Variants in VPS37A observed in about 807,000 individuals in gnomAD.
VPS37A encodes the protein vacuolar protein sorting-associated protein 37A.
A neutral mutation model predicts 49.8 loss-of-function variants in VPS37A; 30 were observed. The ratio of observed to expected loss-of-function variants is 0.60; its 90% CI spans 0.45 to 0.82. The LOEUF (loss-of-function observed/expected upper bound fraction) is 0.82. VPS37A is among the 40% of genes least tolerant of loss of function. The probability of loss-of-function intolerance (pLI) is 0.00; values close to 1 mark genes in which losing one functional copy is unlikely to be tolerated. For missense variants in VPS37A, 593 were observed against 464.4 expected (o/e 1.28, Z -2.55); for synonymous variants, 195 against 160.6 (o/e 1.21, Z -1.62).
intron 4 of VPS37A, among the ~76,000 whole-genome samples, chr8:17,273,022 C>CTTTTTTTTTTTTTTTTTTTTTTTT (rs1563263775): frequency 1.2e-5 from 1 of 80,148 alleles, no homozygotes; most frequent in African/African-American, 6.4e-5. Context: ...TTTTGCCCTT[C>CTTTTTTTTTTTTTTTTTTTTTTTT]CTTTTTTTTT....
chr8:17,287,797 G>A (rs757808869), intron 11 of VPS37A, among the ~76,000 whole-genome samples: 9 of 152,184 alleles, frequency 5.9e-5, no homozygotes, highest in Non-Finnish European at 8.8e-5. Flanking sequence ...ACATTCCCTG[G>A]AAGAGTAACT....
chr8:17,274,482 C>G (rs1814313245), intron 4 of VPS37A, among the ~76,000 whole-genome samples: 1 of 151,930 alleles, frequency 6.6e-6, no homozygotes, highest in Non-Finnish European at 1.5e-5. Context: ...GAATTGCATG[C>G]TTTCTAAAGC....
At chr8:17,304,963 T>TA (rs1460059576), downstream of VPS37A, among the ~76,000 whole-genome samples, 1 of 152,074 alleles carries the variant, frequency 6.6e-6, no homozygotes, top group African/African-American at 2.4e-5. Context: ...CTATAGCTAG[T>TA]AAGTGGAAAA....
downstream of VPS37A, chr8:17,305,631 T>G: frequency 1.4e-6 from 1 of 716,768 alleles, no homozygotes; most frequent in East Asian, 2.7e-5. Context: ...AAAATAAAAC[T>G]AATCTGTCAG....
At position 17,296,591 on chromosome 8, in the gene VPS37A, A is replaced by T. The variant is rs2150441899; in HGVS notation, c.*1605A>T. The T allele has an allele frequency of 6.6e-6, 1 of 152,274 alleles. No homozygotes were observed. The highest frequency in any genetic ancestry group is 2.1e-4 in the South Asian group (1 of 4,828). 9.4% of individuals were successfully genotyped at this position (152,274 alleles called of 1,614,324 possible). ...AGGTAGGTGTATCCCATAACAAGGGAGGAGCATACCACAGCCCCTCATTTG... is the reference window on the plus strand; with the variant it reads ...AGGTAGGTGTATCCCATAACAAGGGTGGAGCATACCACAGCCCCTCATTTG... On this transcript the variant is annotated 3_prime_UTR_variant, in exon 12 of 12. Transcript: ENST00000324849.
At chr8:17,247,745 C>G (rs1585889094) in intron 1 of VPS37A, 1 of 702,604 alleles carries the variant, frequency 1.4e-6, no homozygotes, top group African/African-American at 1.7e-5. Flanking sequence ...TGTTAAAATA[C>G]AATTGTGAAG....
At chr8:17,285,280 G>A (rs1275193018) in intron 10 of VPS37A, among the ~76,000 whole-genome samples, 2 of 152,106 alleles carry the variant, frequency 1.3e-5, no homozygotes, top group Non-Finnish European at 2.9e-5. Flanking sequence ...GTATCATTCT[G>A]TAATACAGCT....
At chr8:17,305,750 CACTT>C (rs1164773025), downstream of VPS37A, 2 of 1,600,050 alleles carry the variant, frequency 1.2e-6, no homozygotes, top group Admixed American at 1.7e-5. Flanking sequence ...AACACCAAAA[CACTT>C]ACTTGAGTTC....
the VPS37A span, among the ~76,000 whole-genome samples, chr8:17,314,903 T>A: frequency 1.3e-5 from 2 of 152,082 alleles, no homozygotes; most frequent in Admixed American, 6.5e-5. Flanking sequence ...AGGCCCAGCA[T>A]CACAGGCAGG....
At chr8:17,311,409 A>G in the VPS37A span, 1 of 1,501,096 alleles carries the variant, frequency 6.7e-7, no homozygotes, top group African/African-American at 1.4e-5. Flanking sequence ...TAAAAGAAAA[A>G]TAATGCTGGC....
intron 1 of VPS37A, 52 bp downstream of exon 1, chr8:17,247,421 G>GT: frequency 6.1e-6 from 1 of 163,974 alleles, no homozygotes; most frequent in East Asian, 2.0e-4. Context: ...GGGAGGGCGG[G>GT]CTTGTCCTAA....
At chr8:17,298,871 G>A (rs1261816009), downstream of VPS37A, 1 of 152,140 alleles carries the variant, frequency 6.6e-6, no homozygotes, top group Non-Finnish European at 1.5e-5. Context: ...ATGTTACTAA[G>A]GTTAATTAAA....
At chr8:17,319,034 G>C in the VPS37A span, among the ~76,000 whole-genome samples, 1 of 152,216 alleles carries the variant, frequency 6.6e-6, no homozygotes, top group Non-Finnish European at 1.5e-5. Context: ...TGCCATCTTG[G>C]GGAAATAGGA....
At chr8:17,289,629 A>G (rs1336765934) in intron 11 of VPS37A, among the ~76,000 whole-genome samples, 2 of 152,176 alleles carry the variant, frequency 1.3e-5, no homozygotes, top group Non-Finnish European at 2.9e-5. Flanking sequence ...GAAGTCAGGT[A>G]GCATGATGCC....
chr8:17,259,955 G>C (rs535085892), intron 1 of VPS37A, among the ~76,000 whole-genome samples: 1 of 152,186 alleles, frequency 6.6e-6, no homozygotes, highest in Non-Finnish European at 1.5e-5. Flanking sequence ...CAGTCTACGT[G>C]TGTCTTTTTA....
At chr8:17,313,318 T>C in the VPS37A span, 2 of 1,613,082 alleles carry the variant, frequency 1.2e-6, no homozygotes, top group Non-Finnish European at 1.7e-6. Flanking sequence ...CCTGCATCCA[T>C]TATGGCTTTA....
At chr8:17,312,766 A>G in the VPS37A span, among the ~76,000 whole-genome samples, 1 of 152,126 alleles carries the variant, frequency 6.6e-6, no homozygotes, top group African/African-American at 2.4e-5. Context: ...ATCAGGGAAG[A>G]TATGGTTCTC....
At chr8:17,303,271 C>G (rs1396614669), downstream of VPS37A, among the ~76,000 whole-genome samples, 1 of 152,078 alleles carries the variant, frequency 6.6e-6, no homozygotes, top group East Asian at 1.9e-4. Flanking sequence ...TAAAACTTGT[C>G]TTACATGCAC....
chr8:17,310,713 G>A, the VPS37A span, among the ~76,000 whole-genome samples: 1 of 152,192 alleles, frequency 6.6e-6, no homozygotes, highest in African/African-American at 2.4e-5. Context: ...CTTCGCTCTT[G>A]TCCGAGGGTG....
Sources: allele counts gnomAD v4.1 joint callset (sites outside exome capture counted in the v4.1 genomes callset), GRCh38; gene constraint gnomAD v4.1.1; transcripts MANE v1.5; gene names NCBI Gene and HGNC (gene_info 2026-07-23, HGNC 2026-07-21).